Variants in SAMD12 observed in about 807,000 individuals in gnomAD.
SAMD12 encodes sterile alpha motif domain containing 12, also known as sterile alpha motif domain-containing protein 12.
In SAMD12, 9 loss-of-function variants were observed where a neutral mutation model predicts 15.0. The observed-to-expected ratio is 0.60, with a 90% confidence interval of 0.36 to 1.05. The LOEUF is 1.05. Among genes scored for constraint, SAMD12 ranks in the 50% least tolerant of loss-of-function variants. The pLI is 0.01. For synonymous variants in SAMD12, 86 were observed against 90.1 expected, an observed-to-expected ratio of 0.96 and a Z score of 0.25; for missense variants, 230 against 234.2, an observed-to-expected ratio of 0.98 and a Z score of 0.12.
chr8:118,216,838 A>C (rs12681124), intron 4 of SAMD12, among the ~76,000 whole-genome samples: 75,719 of 151,800 alleles, frequency 0.5, 20,660 homozygotes, highest in Non-Finnish European at 0.62. Flanking sequence ...TTTCTTGACA[A>C]TGAAAATATT....
intron 4 of SAMD12, among the ~76,000 whole-genome samples, chr8:118,316,871 T>C (rs1586508262): frequency 6.8e-6 from 1 of 147,082 alleles, no homozygotes; most frequent in Non-Finnish European, 1.5e-5. Context: ...CCCAGGCTGG[T>C]TTTGAACTCT....
chr8:118,143,321 A>G, the SAMD12 span, among the ~76,000 whole-genome samples: 2 of 152,344 alleles, frequency 1.3e-5, no homozygotes, highest in Non-Finnish European at 2.9e-5. Flanking sequence ...ATGTTTTTGC[A>G]CAAATGTAAA....
At chr8:118,550,477 CT>C (rs1826291534) in intron 2 of SAMD12, among the ~76,000 whole-genome samples, 1 of 152,088 alleles carries the variant, frequency 6.6e-6, no homozygotes, top group South Asian at 2.1e-4. Flanking sequence ...CAAGCAAATG[CT>C]GAGAGATTTT....
intron 2 of SAMD12, among the ~76,000 whole-genome samples, chr8:118,513,821 G>T (rs1412316815): frequency 2.0e-5 from 3 of 152,158 alleles, no homozygotes; most frequent in African/African-American, 7.2e-5. Context: ...AACAGCAAAT[G>T]ACACTTGCCC....
chr8:118,165,881 C>A, the SAMD12 span, among the ~76,000 whole-genome samples: 1 of 151,848 alleles, frequency 6.6e-6, no homozygotes. Context: ...CCTCCTAAAC[C>A]ATTGGTTTCT....
chr8:118,215,610 C>T (rs1404466006), intron 4 of SAMD12, among the ~76,000 whole-genome samples: 1 of 151,866 alleles, frequency 6.6e-6, no homozygotes. Context: ...GCTATCCCTC[C>T]CCTCTCCCCC....
chr8:118,372,264 C>A (rs1308735127), intron 4 of SAMD12, among the ~76,000 whole-genome samples: 1 of 152,054 alleles, frequency 6.6e-6, no homozygotes, highest in Non-Finnish European at 1.5e-5. Context: ...TGTAGAAAGA[C>A]ATATCCTATT....
At chr8:118,561,241 G>A (rs1053663769) in intron 2 of SAMD12, among the ~76,000 whole-genome samples, 4 of 152,114 alleles carry the variant, frequency 2.6e-5, no homozygotes, top group Non-Finnish European at 5.9e-5. Flanking sequence ...TTTTGATAAT[G>A]TATAGCAAAT....
the SAMD12 span, among the ~76,000 whole-genome samples, chr8:118,161,702 T>G: frequency 2.3e-4 from 21 of 92,276 alleles, no homozygotes; most frequent in Admixed American, 1.9e-3. Context: ...ATATTAATAA[T>G]AAATTATTTA....
intron 3 of SAMD12, among the ~76,000 whole-genome samples, chr8:118,393,701 T>G (rs1820410682): frequency 6.6e-6 from 1 of 151,844 alleles, no homozygotes; most frequent in African/African-American, 2.4e-5. Flanking sequence ...TGGGTTCAAG[T>G]GATTCTCCTG....
chr8:118,575,411 T>C (rs1240495549), intron 2 of SAMD12, among the ~76,000 whole-genome samples: 1 of 152,238 alleles, frequency 6.6e-6, no homozygotes, highest in Non-Finnish European at 1.5e-5. Flanking sequence ...TTTTGCCTAG[T>C]TGGCCAGATT....
chr8:118,540,750 A>G (rs1825965130), intron 2 of SAMD12, among the ~76,000 whole-genome samples: 1 of 152,110 alleles, frequency 6.6e-6, no homozygotes, highest in African/African-American at 2.4e-5. Context: ...GAAAATTTTT[A>G]TCTCAAGCTG....
At chr8:118,347,253 G>T (rs962998692) in intron 4 of SAMD12, among the ~76,000 whole-genome samples, 10 of 152,184 alleles carry the variant, frequency 6.6e-5, no homozygotes. Context: ...TTTTAGTGGG[G>T]ATCCTTCCTA....
intron 1 of SAMD12, among the ~76,000 whole-genome samples, chr8:118,603,876 A>G (rs1827924885): frequency 6.6e-6 from 1 of 152,206 alleles, no homozygotes; most frequent in Admixed American, 6.5e-5. Flanking sequence ...AAACAAGGGA[A>G]CTTTTTATTT....
chr8:118,570,556 C>T (rs1230623173), intron 2 of SAMD12, among the ~76,000 whole-genome samples: 2 of 152,222 alleles, frequency 1.3e-5, no homozygotes, highest in Non-Finnish European at 2.9e-5. Flanking sequence ...TTTTATACGG[C>T]TGCATAGTAT....
At chr8:118,183,425 A>G in the SAMD12 span, among the ~76,000 whole-genome samples, 1 of 152,212 alleles carries the variant, frequency 6.6e-6, no homozygotes, top group African/African-American at 2.4e-5. Context: ...CATAGCTTTC[A>G]TCAGTGTTTT....
rs934225944 is a variant in SAMD12, at chr8:118,222,813, G to A, written c.434-25081C>T. Among the ~76,000 whole-genome samples the A allele has an allele frequency of 2.0e-5, 3 of 152,240 alleles. No homozygotes were observed. The South Asian group carries it at 6.2e-4, about 32-fold the overall frequency. On this transcript the variant is annotated intron_variant, in intron 4 of 4. Transcript: ENST00000409003. ...AGCCACGGCACCCGGCCGAGGAAGTGCATTTTAAAGTGCACAGAGCTCTTG... is the reference window on the plus strand; with the variant it reads ...AGCCACGGCACCCGGCCGAGGAAGTACATTTTAAAGTGCACAGAGCTCTTG...
rs892736632 is a variant in SAMD12 at position 118,378,005 on chromosome 8, T to A, written c.*1412A>T. The A allele has an allele frequency of 2.6e-5, 4 of 152,200 alleles. No homozygotes were observed. 9.4% of individuals were successfully genotyped at this position (152,200 alleles called of 1,614,324 possible). A position where few individuals can be genotyped will look rare whatever the true frequency, so the allele number is the denominator to read the frequency against. ...CCACTTATCCCACAATCCAGAGAGA[T>A]CCTTTATTAAAATGGTTGGCATATT... On this transcript the variant is annotated 3_prime_UTR_variant, in exon 4 of 4. Coordinates refer to ENST00000314727, the MANE Select transcript of SAMD12 (RefSeq NM_207506.3).
intron 2 of SAMD12, among the ~76,000 whole-genome samples, chr8:118,533,567 GGGA>G: frequency 6.6e-6 from 1 of 152,216 alleles, no homozygotes; most frequent in Admixed American, 6.5e-5. Flanking sequence ...ATTATTGTGT[GGGA>G]GTCTAAGTCT....
Sources: allele counts gnomAD v4.1 joint callset (sites outside exome capture counted in the v4.1 genomes callset), GRCh38; gene constraint gnomAD v4.1.1; transcripts MANE v1.5; gene names NCBI Gene and HGNC (gene_info 2026-07-23, HGNC 2026-07-21).